The following STRBP variants were observed in gnomAD, a reference collection of about 807,000 sequenced individuals.
STRBP encodes the protein spermatid perinuclear RNA binding protein.
Under a neutral mutation model 80.1 loss-of-function variants are expected in STRBP, and 13 were observed. The ratio of observed to expected loss-of-function variants is 0.16; its 90% confidence interval spans 0.11 to 0.26. The LOEUF is 0.26. STRBP is among the 10% of genes least tolerant of loss of function. The pLI, the probability that STRBP is intolerant of heterozygous loss-of-function variation, is 1.00. For missense variants in STRBP, 485 were observed against 815.2 expected (o/e 0.59, Z 4.93); for synonymous variants, 284 against 291.2 (o/e 0.98, Z 0.25).
intron 13 of STRBP, among the ~76,000 whole-genome samples, chr9:123,144,504 T>C (rs1415031365): frequency 6.6e-6 from 1 of 152,208 alleles, no homozygotes; most frequent in East Asian, 1.9e-4. Flanking sequence ...TGCCACCCAG[T>C]GAATTTGCAT....
chr9:123,172,148 C>T (rs942502644), intron 5 of STRBP, among the ~76,000 whole-genome samples: 1 of 152,102 alleles, frequency 6.6e-6, no homozygotes, highest in African/African-American at 2.4e-5. Context: ...TTCAATGCTG[C>T]AACATCTGAG....
intron 2 of STRBP, among the ~76,000 whole-genome samples, chr9:123,226,331 T>C (rs1215942298): frequency 6.6e-6 from 1 of 152,126 alleles, no homozygotes; most frequent in Admixed American, 6.5e-5. Context: ...TAGAACCGTA[T>C]ATTCAAAAAA....
intron 2 of STRBP, among the ~76,000 whole-genome samples, chr9:123,223,049 T>TGATAGATA (rs33997248): frequency 0.023 from 3,350 of 147,970 alleles, 36 homozygotes; most frequent in East Asian, 0.028. Context: ...GATAGATAGA[T>TGATAGATA]GATAGATAGA....
intron 6 of STRBP, chr9:123,168,378 T>A (rs2037860067): frequency 5.9e-6 from 1 of 168,708 alleles, no homozygotes; most frequent in African/African-American, 2.4e-5. Flanking sequence ...GCCCTTTGAT[T>A]TTAAAATATG....
At chr9:123,128,095 C>A in intron 18 of STRBP, 119 bp downstream of exon 18, 1 of 1,256,562 alleles carries the variant, frequency 8.0e-7, no homozygotes, top group South Asian at 1.3e-5. Context: ...TAAGTTGGGT[C>A]ACTAGAATGA....
chr9:123,250,965 C>CA (rs982848950), intron 1 of STRBP, among the ~76,000 whole-genome samples: 17 of 151,944 alleles, frequency 1.1e-4, no homozygotes, highest in Admixed American at 6.6e-4. Context: ...AAACAAAAAA[C>CA]AAAAAATTTT....
At chr9:123,157,395 G>C (rs2037334504) in intron 11 of STRBP, among the ~76,000 whole-genome samples, 1 of 152,136 alleles carries the variant, frequency 6.6e-6, no homozygotes, top group African/African-American at 2.4e-5. Context: ...ATGGCATCTG[G>C]CCAACATAGC....
Position 123,122,732 on chromosome 9 carries a change from A to C in STRBP, c.*2865T>G, listed in dbSNP as rs1025033277. ...TGCAGAGGATATGGCTTCAAGGAGG[A>C]CCCCTATCTCTGAGAAATTATAGTA... is the stretch of plus-strand genomic sequence containing the variant. On this transcript the variant is annotated 3_prime_UTR_variant, in exon 19 of 19. Coordinates refer to ENST00000348403, the MANE Select transcript of STRBP (RefSeq NM_018387.5). The C allele has an allele frequency of 1.0e-6, 1 of 994,442 alleles. No individual in the cohort carries two copies. The highest frequency in any genetic ancestry group is 1.2e-6 in the Non-Finnish European group (1 of 835,846). The allele number at this position is 994,442 out of a possible 1,614,324, so 61.6% of individuals were successfully genotyped here.
In STRBP at chr9:123,158,407, A is replaced by T; in HGVS notation, c.858T>A (p.Pro286=). The change falls in exon 10 of 19, where the codon CCT becomes CCA. Residue 286 remains proline, a synonymous_variant. Coordinates refer to ENST00000348403, the MANE Select transcript of STRBP (RefSeq NM_018387.5). ...GAGCATCTGTTGGGTCTCGCTCACA[A>T]GGATCATGAAGACCAGGACCCCCTT... ...LLPGGPGLHD[P]CERDPTDALS... is the part of the protein sequence containing the mutation. 1 of 1,613,602 alleles carries T rather than the reference A, an allele frequency of 6.2e-7. No individual in the cohort carries two copies. Among genetic ancestry groups the T allele is most frequent in the Non-Finnish European group, 8.5e-7 (1 of 1,179,614 alleles).
intron 13 of STRBP, among the ~76,000 whole-genome samples, chr9:123,140,342 C>T (rs758795001): frequency 2.3e-4 from 35 of 152,198 alleles, no homozygotes; most frequent in Non-Finnish European, 4.9e-4. Context: ...TGCCTGTAAT[C>T]CCAGCACTTT....
At chr9:123,237,259 A>C (rs1225052311) in intron 1 of STRBP, among the ~76,000 whole-genome samples, 1 of 152,198 alleles carries the variant, frequency 6.6e-6, no homozygotes, top group Non-Finnish European at 1.5e-5. Context: ...GAAAATTGCT[A>C]ACTACCAAAA....
At chr9:123,264,609 T>C (rs1160949217) in intron 1 of STRBP, among the ~76,000 whole-genome samples, 4 of 152,212 alleles carry the variant, frequency 2.6e-5, no homozygotes, top group African/African-American at 4.8e-5. Flanking sequence ...GGGAGATGGA[T>C]AGAGTCAGAT....
chr9:123,131,266 A>G lies in STRBP; in HGVS notation c.1897+1579T>C, dbSNP rs187380402. Among the ~76,000 whole-genome samples the G allele has an allele frequency of 5.3e-5, 8 of 152,306 alleles. No individual in the cohort carries two copies. The East Asian group carries it at 1.5e-3, about 29-fold the overall frequency. Reference sequence around the variant, plus strand: ...ACAAATAAAGTCTGATCTTGTCACTATTCTCCTAAGAACCCATCAAGACTT... The same window carrying G: ...ACAAATAAAGTCTGATCTTGTCACTGTTCTCCTAAGAACCCATCAAGACTT... On this transcript the variant is annotated intron_variant, in intron 17 of 18. Transcript: ENST00000348403.
At position 123,233,081 on chromosome 9, in the gene STRBP, C is replaced by T. The variant is rs866131295; in HGVS notation, c.-165+3749G>A. ...CATTTTTATGTATGTAAATTTTTTCCTCCTTTTTAAAGACAGGGTCTTGCT... is the reference window on the plus strand; with the variant it reads ...CATTTTTATGTATGTAAATTTTTTCTTCCTTTTTAAAGACAGGGTCTTGCT... On this transcript the variant is annotated intron_variant, in intron 2 of 18. Transcript: ENST00000348403. Among the ~76,000 whole-genome samples the T allele has an allele frequency of 3.3e-5, 5 of 152,152 alleles. No individual in the cohort carries two copies. In the Middle Eastern group the frequency reaches 0.01, roughly 311 times the overall value.
intron 2 of STRBP, among the ~76,000 whole-genome samples, chr9:123,228,474 A>AG (rs1246345494): frequency 6.6e-6 from 1 of 152,218 alleles, no homozygotes; most frequent in African/African-American, 2.4e-5. Context: ...GTTGGGGGAC[A>AG]GGGGGAGCTG....
chr9:123,156,163 G>T (rs918157969), intron 11 of STRBP, among the ~76,000 whole-genome samples: 4 of 151,632 alleles, frequency 2.6e-5, no homozygotes, highest in Admixed American at 6.6e-5. Context: ...GAGTGGTTGT[G>T]AATTTGGTGA....
At chr9:123,187,118 T>A (rs2038729797) in intron 2 of STRBP, among the ~76,000 whole-genome samples, 1 of 152,026 alleles carries the variant, frequency 6.6e-6, no homozygotes, top group South Asian at 2.1e-4. Flanking sequence ...AATTAACACA[T>A]AAGGAAACTA....
chr9:123,225,222 G>A (rs2040197852), intron 2 of STRBP, among the ~76,000 whole-genome samples: 1 of 152,088 alleles, frequency 6.6e-6, no homozygotes, highest in Admixed American at 6.5e-5. Context: ...TTTCTTCTGG[G>A]TACCGGTTAT....
chr9:123,128,022 G>A (rs569664087), intron 18 of STRBP, among the ~76,000 whole-genome samples, 192 bp downstream of exon 18: 4 of 152,288 alleles, frequency 2.6e-5, no homozygotes, highest in East Asian at 3.9e-4. Flanking sequence ...CAGGCAAAGC[G>A]GAGAGAAGAG....
Sources: allele counts gnomAD v4.1 joint callset (sites outside exome capture counted in the v4.1 genomes callset), GRCh38; gene constraint gnomAD v4.1.1; transcripts MANE v1.5; gene names NCBI Gene and HGNC (gene_info 2026-07-23, HGNC 2026-07-21).